AGAP1: variants seen among roughly 807,000 people sequenced by gnomAD.
The protein encoded by AGAP1 is ArfGAP with GTPase domain, ankyrin repeat and PH domain 1, also known as arf-GAP with GTPase, ANK repeat and PH domain-containing protein 1.
A neutral mutation model predicts 105.3 loss-of-function variants in AGAP1; 29 were observed. The observed-to-expected ratio is 0.28, with a 90% CI of 0.21 to 0.38. The LOEUF is 0.38. AGAP1 is among the 10% of genes least tolerant of loss of function. AGAP1 has a pLI of 1.00. For missense variants in AGAP1, 998 were observed against 1,165.1 expected (o/e 0.86, Z 2.09); for synonymous variants, 509 against 485.9 (o/e 1.05, Z -0.63).
chr2:235,782,584 G>GT (rs142502739), intron 6 of AGAP1, among the ~76,000 whole-genome samples: 36,124 of 152,058 alleles, frequency 0.24, 4,901 homozygotes, highest in Admixed American at 0.39. Flanking sequence ...TATGCTTGTT[G>GT]TTTTTTTCCC....
chr2:235,670,730 C>T (rs1348877960), intron 1 of AGAP1: 13 of 861,034 alleles, frequency 1.5e-5, no homozygotes, highest in Middle Eastern at 2.2e-4. Flanking sequence ...GCGCAACACC[C>T]TGGACGTGGG....
intron 4 of AGAP1, among the ~76,000 whole-genome samples, chr2:235,742,844 G>A (rs185711441): frequency 5.4e-4 from 83 of 152,316 alleles, no homozygotes; most frequent in Non-Finnish European, 8.8e-4. Context: ...ACCAGTATAT[G>A]AAGCACAAAA....
intron 11 of AGAP1, among the ~76,000 whole-genome samples, chr2:235,912,409 C>G (rs1243473929): frequency 6.6e-6 from 1 of 152,048 alleles, no homozygotes; most frequent in African/African-American, 2.4e-5. Context: ...CTGTTTTTGC[C>G]AAAAAATTGA....
At chr2:235,619,938 T>C (rs1374348361) in intron 1 of AGAP1, among the ~76,000 whole-genome samples, 1 of 152,084 alleles carries the variant, frequency 6.6e-6, no homozygotes, top group Non-Finnish European at 1.5e-5. Flanking sequence ...TGGCCACTGC[T>C]GGCGCCCCGA....
In AGAP1 at chr2:236,124,033, G is replaced by A. The variant is rs774221910; in HGVS notation, c.2485G>A (p.Glu829Lys). ...GCTGCTGCAGTACGGCTGCCCCGAC[G>A]AGCGCTTCGTGCTCATGGCCACCCC... is the stretch of plus-strand genomic sequence containing the variant. ...DVLLQYGCPD[E>K]RFVLMATPNL... is the part of the protein sequence containing the mutation. The change falls in exon 18 of 18, where the codon GAG (glutamate) becomes AAG (lysine). Residue 829 changes from glutamate (E) to lysine (K), a missense_variant. Physicochemically the swap from Glu to Lys is moderately conservative, Grantham distance 56 (BLOSUM62 1). Transcript: ENST00000304032. The surrounding 1 kb of genome is among the most constrained non-coding windows in gnomAD (Gnocchi z 5.1). The A allele has an allele frequency of 7.4e-6, 12 of 1,613,870 alleles. No individual in the cohort carries two copies. The highest frequency in any genetic ancestry group is 3.3e-5 in the Admixed American group (2 of 59,996).
At chr2:235,588,545 A>G (rs1945210732) in intron 1 of AGAP1, among the ~76,000 whole-genome samples, 1 of 152,152 alleles carries the variant, frequency 6.6e-6, no homozygotes, top group African/African-American at 2.4e-5. Flanking sequence ...TAAAATCTGG[A>G]TAAAAAAAAA....
chr2:235,767,599 C>T (rs1330588753), intron 6 of AGAP1, among the ~76,000 whole-genome samples: 1 of 152,060 alleles, frequency 6.6e-6, no homozygotes, highest in Non-Finnish European at 1.5e-5. Context: ...GTAGATATTC[C>T]GTTTACAAAT....
At chr2:235,674,631 G>C (rs1243768059) in intron 1 of AGAP1, among the ~76,000 whole-genome samples, 4 of 151,776 alleles carry the variant, frequency 2.6e-5, no homozygotes, top group East Asian at 3.9e-4. Flanking sequence ...TTTATGAGTG[G>C]CTTTGTTCTT....
At chr2:235,778,462 C>CTGTCCTCA (rs1408778800) in intron 6 of AGAP1, among the ~76,000 whole-genome samples, 1 of 152,208 alleles carries the variant, frequency 6.6e-6, no homozygotes, top group Admixed American at 6.5e-5. Flanking sequence ...TTAAGAGTCC[C>CTGTCCTCA]TGTCCTCATG....
intron 1 of AGAP1, among the ~76,000 whole-genome samples, chr2:235,564,722 G>C: frequency 6.9e-6 from 1 of 144,702 alleles, no homozygotes; most frequent in African/African-American, 2.7e-5. Context: ...CACCACCCAG[G>C]GCCAGGTGTG....
intron 16 of AGAP1, among the ~76,000 whole-genome samples, chr2:236,110,816 C>T (rs2059620218): frequency 1.3e-5 from 2 of 152,112 alleles, no homozygotes; most frequent in South Asian, 4.1e-4. Context: ...TCTGGGGCTG[C>T]TATAACAAAA....
rs58655245 is a variant in AGAP1 at position 235,715,728 on chromosome 2, C to G, written c.223-1829C>G. Among the ~76,000 whole-genome samples, 1,360 of 152,216 alleles carry G rather than the reference C, an allele frequency of 8.9e-3. 15 individuals are homozygous for G. Among genetic ancestry groups the G allele is most frequent in the African/African-American group, 0.03 (1,232 of 41,542 alleles). On this transcript the variant is annotated intron_variant, in intron 2 of 17. Transcript: ENST00000304032. ...GGGTTGAAAAGCAGGTGCTTGCAGG[C>G]AGAGAGAGGCCCTAGAGGCTGCTTC... is the stretch of plus-strand genomic sequence containing the variant.
rs11893568 is a variant in AGAP1 at position 236,123,879 on chromosome 2, A to G, written c.2371-40A>G. On this transcript the variant is annotated intron_variant, in intron 17 of 17. Coordinates refer to ENST00000304032, the MANE Select transcript of AGAP1 (RefSeq NM_001037131.3). The surrounding 1 kb of genome is among the most constrained non-coding windows in gnomAD (Gnocchi z 4.6). Reference sequence around the variant, plus strand: ...CTTCCCTGCCCCCTCCCTCCATCACATCCCCCATGATACTAATGTGGGCTC... The same window carrying G: ...CTTCCCTGCCCCCTCCCTCCATCACGTCCCCCATGATACTAATGTGGGCTC... The G allele has an allele frequency of 0.28, 453,820 of 1,608,526 alleles. 73,098 individuals carry two copies. The highest frequency in any genetic ancestry group is 0.7 in the African/African-American group (52,279 of 74,700).
intron 9 of AGAP1, among the ~76,000 whole-genome samples, chr2:235,851,997 A>G (rs955280859): frequency 6.6e-5 from 10 of 152,168 alleles, no homozygotes; most frequent in African/African-American, 2.2e-4. Context: ...GAGATTAACA[A>G]CCTCCGCTGA....
At chr2:235,682,452 C>T (rs1449164102) in intron 1 of AGAP1, among the ~76,000 whole-genome samples, 1 of 151,946 alleles carries the variant, frequency 6.6e-6, no homozygotes, top group Non-Finnish European at 1.5e-5. Context: ...AAGAGATTCT[C>T]CTGCCTCAGC....
Position 235,822,843 on chromosome 2 carries a change from G to A in AGAP1, c.1050+15512G>A, listed in dbSNP as rs114027190. ...ACTGAACAAGAGGGGCTTCCTGGTC[G>A]TGGACCCCGACGGGTGGGCATGCGG... On this transcript the variant is annotated intron_variant, in intron 9 of 17. Transcript: ENST00000304032. Among the ~76,000 whole-genome samples the A allele has an allele frequency of 7.7e-3, 1,174 of 152,296 alleles. 7 individuals are homozygous for A. Among genetic ancestry groups the A allele is most frequent in the African/African-American group, 0.026 (1,100 of 41,570 alleles).
intron 16 of AGAP1, among the ~76,000 whole-genome samples, chr2:236,079,023 G>A (rs942290711): frequency 7.0e-6 from 1 of 142,968 alleles, no homozygotes; most frequent in Non-Finnish European, 1.6e-5. Flanking sequence ...GGGCTGGGGT[G>A]TAGGAGGTGG....
At chr2:235,658,860 G>T (rs570842812) in intron 1 of AGAP1, among the ~76,000 whole-genome samples, 1 of 152,166 alleles carries the variant, frequency 6.6e-6, no homozygotes, top group Non-Finnish European at 1.5e-5. Flanking sequence ...CGGAATACCC[G>T]TGAGGGACCT....
chr2:235,549,096 A>G lies in AGAP1; in HGVS notation c.163+54247A>G, dbSNP rs1483985605. Among the ~76,000 whole-genome samples the G allele has an allele frequency of 6.6e-6, 1 of 152,250 alleles. No homozygotes were observed. The highest frequency in any genetic ancestry group is 2.4e-5 in the African/African-American group (1 of 41,472). On this transcript the variant is annotated intron_variant, in intron 1 of 17. Coordinates refer to ENST00000304032, the MANE Select transcript of AGAP1 (RefSeq NM_001037131.3). The surrounding 1 kb of genome is among the most constrained non-coding windows in gnomAD (Gnocchi z 4.2). ...CCTTGTAGAGACACAACCCCAGGGT[A>G]CTTGGAGCTCATGCTAATGACTAAA...
Sources: allele counts gnomAD v4.1 joint callset (sites outside exome capture counted in the v4.1 genomes callset), GRCh38; gene constraint gnomAD v4.1.1; non-coding constraint Gnocchi (gnomAD v3.1); transcripts MANE v1.5; gene names NCBI Gene and HGNC (gene_info 2026-07-23, HGNC 2026-07-21).